PRIM2: variants seen among roughly 807,000 people sequenced by gnomAD.
PRIM2 encodes DNA primase subunit 2, also known as DNA primase large subunit.
PRIM2 carries 39 observed loss-of-function variants against 67.3 expected under a neutral mutation model. That is an observed-to-expected ratio of 0.58 (90% CI 0.45 to 0.76). PRIM2 has a LOEUF of 0.76. PRIM2 is among the 30% of genes least tolerant of loss of function. The pLI, the probability that PRIM2 is intolerant of heterozygous loss-of-function variation, is 0.00. For synonymous variants in PRIM2, 143 were observed against 198.7 expected (o/e 0.72, Z 2.36); for missense variants, 398 against 598.7 (o/e 0.66, Z 3.50).
At chr6:57,591,578 T>C (rs1255066796) in intron 10 of PRIM2, among the ~76,000 whole-genome samples, 3 of 152,000 alleles carry the variant, frequency 2.0e-5, no homozygotes, top group African/African-American at 7.2e-5. Context: ...TCCAAGTTCT[T>C]GAAGGTAAGA....
chr6:57,276,888 C>CA, the PRIM2 span, among the ~76,000 whole-genome samples: 185 of 129,192 alleles, frequency 1.4e-3, no homozygotes, highest in African/African-American at 4.0e-3. Context: ...GACCCTGCCT[C>CA]AAAAAAAAAA....
intron 10 of PRIM2, among the ~76,000 whole-genome samples, chr6:57,580,291 C>T (rs1332324148): frequency 6.6e-6 from 1 of 152,206 alleles, no homozygotes; most frequent in Non-Finnish European, 1.5e-5. Flanking sequence ...ACCTTAGACT[C>T]ATTGCACATA....
intron 10 of PRIM2, among the ~76,000 whole-genome samples, chr6:57,577,246 T>C (rs1480504725): frequency 1.3e-5 from 2 of 152,094 alleles, no homozygotes; most frequent in Admixed American, 6.6e-5. Flanking sequence ...ACTTTGAACA[T>C]GTCATAACAA....
At chr6:57,526,254 A>G (rs1774750480) in intron 8 of PRIM2, among the ~76,000 whole-genome samples, 1 of 152,136 alleles carries the variant, frequency 6.6e-6, no homozygotes, top group African/African-American at 2.4e-5. Context: ...TGTTTTCACT[A>G]CTTTTCTATA....
rs1260876168 is a variant in PRIM2, at chr6:57,467,110, AAAAAAAAAAAG to A, written c.694-40272_694-40262del. ...ACAAGAGTGAAACTCCATCTCAAAA[AAAAAAAAAAAG>A]AAAAGAAAAAAAGATCCCATTTGTT... On this transcript the variant is annotated intron_variant, in intron 7 of 13. Transcript: ENST00000615550. Among the ~76,000 whole-genome samples, 26 of 149,688 alleles carry A rather than the reference AAAAAAAAAAAG, an allele frequency of 1.7e-4. No homozygotes were observed. The South Asian group carries it at 4.9e-3, about 28-fold the overall frequency.
chr6:57,432,828 CT>C (rs1771879172), intron 7 of PRIM2, among the ~76,000 whole-genome samples: 1 of 152,190 alleles, frequency 6.6e-6, no homozygotes, highest in African/African-American at 2.4e-5. Context: ...CTAAATTTTG[CT>C]GTAGTTAAGC....
intron 8 of PRIM2, among the ~76,000 whole-genome samples, chr6:57,530,512 G>C (rs1231304527): frequency 0.011 from 1,617 of 152,240 alleles, 38 homozygotes; most frequent in South Asian, 0.076. Context: ...TTGCTTTTAG[G>C]CAGATAGAGG....
intron 7 of PRIM2, among the ~76,000 whole-genome samples, chr6:57,461,814 A>G (rs1281246891): frequency 1.3e-5 from 2 of 152,250 alleles, no homozygotes; most frequent in Non-Finnish European, 1.5e-5. Flanking sequence ...TAGCTAGAAA[A>G]TAAGAAATGA....
At chr6:57,351,796 T>A (rs1208733859) in intron 5 of PRIM2, among the ~76,000 whole-genome samples, 1 of 152,032 alleles carries the variant, frequency 6.6e-6, no homozygotes, top group Non-Finnish European at 1.5e-5. Flanking sequence ...ATAATCACAA[T>A]ATCACAGAAA....
intron 13 of PRIM2, among the ~76,000 whole-genome samples, chr6:57,645,654 TG>T (rs1170900886): frequency 1.3e-5 from 2 of 151,492 alleles, no homozygotes; most frequent in Non-Finnish European, 2.9e-5. Context: ...GTTGAGTAGG[TG>T]TTGGATATGG....
chr6:57,423,485 G>T (rs1581891181), intron 7 of PRIM2, among the ~76,000 whole-genome samples: 1 of 152,276 alleles, frequency 6.6e-6, no homozygotes, highest in African/African-American at 2.4e-5. Flanking sequence ...GGATTGGAGG[G>T]ATGGCGACCT....
At position 57,371,770 on chromosome 6, in the gene PRIM2, A is replaced by T. The variant is rs536141913; in HGVS notation, c.460-8131A>T. On this transcript the variant is annotated intron_variant, in intron 5 of 13. Transcript: ENST00000615550. ...TCTTCTCCTTTCACCCTATCTCCCC[A>T]ATCAGTTTCTTCCTTCATTAATTGC... Among the ~76,000 whole-genome samples the T allele has an allele frequency of 3.3e-5, 5 of 152,352 alleles. No homozygotes were observed. The East Asian group carries it at 7.7e-4, about 23-fold the overall frequency.
intron 5 of PRIM2, among the ~76,000 whole-genome samples, chr6:57,344,860 A>G (rs984354427): frequency 2.0e-5 from 3 of 152,164 alleles, no homozygotes; most frequent in African/African-American, 4.8e-5. Flanking sequence ...TGCTCATGAT[A>G]ATATGGTTTA....
chr6:57,295,692 G>A, the PRIM2 span, among the ~76,000 whole-genome samples: 1 of 152,170 alleles, frequency 6.6e-6, no homozygotes, highest in Non-Finnish European at 1.5e-5. Flanking sequence ...TCCCTCCTGA[G>A]TGCCAAATCT....
chr6:57,379,794 A>T, intron 5 of PRIM2, 107 bp from the exon 6 acceptor site: 1 of 994,480 alleles, frequency 1.0e-6, no homozygotes, highest in Non-Finnish European at 1.4e-6. Flanking sequence ...TCAAGGTTTT[A>T]AAATTTTTAA....
intron 5 of PRIM2, among the ~76,000 whole-genome samples, chr6:57,338,832 A>C (rs1373324248): frequency 6.8e-6 from 1 of 146,884 alleles, no homozygotes; most frequent in Non-Finnish European, 1.5e-5. Flanking sequence ...CCTATTCAAC[A>C]TAGTGTTGGA....
intron 10 of PRIM2, among the ~76,000 whole-genome samples, chr6:57,583,662 A>T (rs1255647083): frequency 6.6e-6 from 1 of 152,072 alleles, no homozygotes; most frequent in Non-Finnish European, 1.5e-5. Flanking sequence ...TTATAGCAGC[A>T]TGATTTATAG....
chr6:57,386,780 A>G (rs1770170000), intron 7 of PRIM2, among the ~76,000 whole-genome samples: 1 of 150,976 alleles, frequency 6.6e-6, no homozygotes. Context: ...TTGACCTTGG[A>G]GTATGTAATT....
At chr6:57,619,294 G>T (rs1776809770) in intron 12 of PRIM2, among the ~76,000 whole-genome samples, 1 of 152,130 alleles carries the variant, frequency 6.6e-6, no homozygotes, top group African/African-American at 2.4e-5. Flanking sequence ...CCTTCCCTCT[G>T]ACAGAGCCTA....
Sources: allele counts gnomAD v4.1 joint callset (sites outside exome capture counted in the v4.1 genomes callset), GRCh38; gene constraint gnomAD v4.1.1; transcripts MANE v1.5; gene names NCBI Gene and HGNC (gene_info 2026-07-23, HGNC 2026-07-21).